SIAH3: variants seen among roughly 807,000 people sequenced by gnomAD.
The protein encoded by SIAH3 is seven in absentia homolog 3.
A neutral mutation model predicts 12.6 loss-of-function variants in SIAH3; 9 were observed. The observed-to-expected ratio is 0.72, with a 90% confidence interval of 0.43 to 1.25. SIAH3 has a LOEUF of 1.25. SIAH3 is among the 50% of genes most tolerant of loss of function. The probability of loss-of-function intolerance (pLI) is 0.00; values close to 1 mark genes in which losing one functional copy is unlikely to be tolerated. For synonymous variants in SIAH3, 154 were observed against 151.1 expected, an observed-to-expected ratio of 1.02 and a Z score of -0.14; for missense variants, 390 against 365.4, an observed-to-expected ratio of 1.07 and a Z score of -0.55.
intron 1 of SIAH3, among the ~76,000 whole-genome samples, chr13:45,792,232 G>A (rs1429793996): frequency 6.6e-6 from 1 of 152,170 alleles, no homozygotes; most frequent in Non-Finnish European, 1.5e-5. Context: ...GCTTGAATGT[G>A]TGGGCTCGGG....
chr13:45,822,719 A>T (rs1048407737), intron 1 of SIAH3, among the ~76,000 whole-genome samples: 1 of 151,830 alleles, frequency 6.6e-6, no homozygotes, highest in African/African-American at 2.4e-5. Flanking sequence ...TGAAATCCTC[A>T]GCCTGGATGA....
At chr13:45,823,067 C>T (rs1950662014) in intron 1 of SIAH3, among the ~76,000 whole-genome samples, 4 of 152,184 alleles carry the variant, frequency 2.6e-5, no homozygotes, top group Admixed American at 2.6e-4. Context: ...AAGCTGTTAG[C>T]TCTTATTTGA....
At position 45,783,997 on chromosome 13, in the gene SIAH3, G is replaced by A; in HGVS notation, c.196C>T (p.His66Tyr). The part of the protein sequence containing the change: ...SAPEQGSFHP[H>Y]HLSHHHCHHR... ...TGGCAGTGGTGGTGGGAGAGATGGT[G>A]AGGGTGGAAGCTGCCTTGCTCTGGA... The change falls in exon 2 of 2, where the codon CAC becomes TAC. Residue 66 changes from histidine to tyrosine, a missense_variant. His to Tyr is a moderately conservative substitution (Grantham distance 83). Coordinates refer to ENST00000400405, the MANE Select transcript of SIAH3 (RefSeq NM_198849.3). 2.5e-6 allele frequency: 4 copies of A among 1,606,454 alleles called. No homozygotes were observed. The highest frequency in any genetic ancestry group is 3.4e-6 in the Non-Finnish European group (4 of 1,176,388).
intron 1 of SIAH3, among the ~76,000 whole-genome samples, chr13:45,817,871 C>T (rs1327289215): frequency 6.6e-6 from 1 of 152,208 alleles, no homozygotes. Context: ...AGCCCTGAAT[C>T]TATCCTCTTA....
At chr13:45,786,684 G>A (rs1950529094) in intron 1 of SIAH3, among the ~76,000 whole-genome samples, 1 of 152,146 alleles carries the variant, frequency 6.6e-6, no homozygotes, top group East Asian at 1.9e-4. Context: ...ATGTGGTTTT[G>A]GGTGAAGACT....
chr13:45,812,861 A>T (rs1950620788), intron 1 of SIAH3, among the ~76,000 whole-genome samples: 1 of 152,222 alleles, frequency 6.6e-6, no homozygotes, highest in Non-Finnish European at 1.5e-5. Context: ...ACAATTGGAG[A>T]AAGTTTTGCA....
chr13:45,834,094 T>C (rs1374277270), intron 1 of SIAH3, among the ~76,000 whole-genome samples: 1 of 152,204 alleles, frequency 6.6e-6, no homozygotes, highest in Admixed American at 6.5e-5. Context: ...GGAATTCTAA[T>C]TGGAAACTGC....
chr13:45,792,001 C>T (rs960037350), intron 1 of SIAH3, among the ~76,000 whole-genome samples: 2 of 152,186 alleles, frequency 1.3e-5, no homozygotes, highest in African/African-American at 4.8e-5. Context: ...TGTCCCTACC[C>T]ATGAGATGAG....
intron 1 of SIAH3, among the ~76,000 whole-genome samples, chr13:45,849,626 G>C (rs945569526): frequency 6.6e-6 from 1 of 152,100 alleles, no homozygotes; most frequent in Admixed American, 6.5e-5. Context: ...ATGACTCAAG[G>C]CCTCCAACCC....
In SIAH3 at chr13:45,783,992, A is replaced by G. The variant is rs375270428; in HGVS notation, c.201T>C (p.His67=). ...GGTGGTGGCAGTGGTGGTGGGAGAGATGGTGAGGGTGGAAGCTGCCTTGCT... is the reference window on the plus strand; with the variant it reads ...GGTGGTGGCAGTGGTGGTGGGAGAGGTGGTGAGGGTGGAAGCTGCCTTGCT... ...APEQGSFHPH[H]LSHHHCHHRH... is the part of the protein sequence containing the mutation. Residue 67 remains histidine (H), a synonymous_variant, in exon 2 of 2, where the codon CAT becomes CAC. Coordinates refer to ENST00000400405, the MANE Select transcript of SIAH3 (RefSeq NM_198849.3). The G allele has an allele frequency of 1.2e-6, 2 of 1,606,180 alleles. No individual in the cohort carries two copies. The highest frequency in any genetic ancestry group is 1.7e-6 in the Non-Finnish European group (2 of 1,176,402).
chr13:45,792,917 C>G (rs765323850), intron 1 of SIAH3, among the ~76,000 whole-genome samples: 13 of 152,162 alleles, frequency 8.5e-5, no homozygotes, highest in Non-Finnish European at 1.3e-4. Context: ...AGATGAAAGA[C>G]TTTTTCTTCA....
chr13:45,811,517 C>A (rs1042180135), intron 1 of SIAH3, among the ~76,000 whole-genome samples: 3 of 152,002 alleles, frequency 2.0e-5, no homozygotes, highest in African/African-American at 7.3e-5. Flanking sequence ...GGCTGGAATG[C>A]CGTGGTATGA....
intron 1 of SIAH3, among the ~76,000 whole-genome samples, chr13:45,803,454 G>A (rs1216400237): frequency 6.6e-6 from 1 of 152,184 alleles, no homozygotes; most frequent in Non-Finnish European, 1.5e-5. Context: ...AGCCCAGGGA[G>A]CTGTGGGAAC....
intron 1 of SIAH3, among the ~76,000 whole-genome samples, chr13:45,810,320 T>C (rs939028469): frequency 6.6e-6 from 1 of 152,148 alleles, no homozygotes; most frequent in Non-Finnish European, 1.5e-5. Flanking sequence ...AGTGCCTGGG[T>C]GAGGAATAGT....
At chr13:45,799,392 G>A (rs1358787031) in intron 1 of SIAH3, among the ~76,000 whole-genome samples, 1 of 152,160 alleles carries the variant, frequency 6.6e-6, no homozygotes, top group Non-Finnish European at 1.5e-5. Flanking sequence ...TGTTTTAAAT[G>A]GTGCAATCCA....
chr13:45,814,002 G>A (rs1950625157), intron 1 of SIAH3, among the ~76,000 whole-genome samples: 1 of 152,080 alleles, frequency 6.6e-6, no homozygotes, highest in Non-Finnish European at 1.5e-5. Flanking sequence ...ACTTTGGGAG[G>A]CCGAGGCAGG....
At chr13:45,803,900 T>G (rs1950590538) in intron 1 of SIAH3, among the ~76,000 whole-genome samples, 1 of 152,070 alleles carries the variant, frequency 6.6e-6, no homozygotes, top group African/African-American at 2.4e-5. Context: ...AATAAAAAAT[T>G]CCAGGTAGGT....
intron 1 of SIAH3, among the ~76,000 whole-genome samples, chr13:45,839,999 T>C (rs1950734530): frequency 6.6e-6 from 1 of 152,276 alleles, no homozygotes; most frequent in South Asian, 2.1e-4. Context: ...GGCTGACGCC[T>C]GAAATCCCAG....
rs576480018 is a variant in SIAH3 at position 45,830,044 on chromosome 13, T to G, written c.135+21451A>C. Among the ~76,000 whole-genome samples the G allele has an allele frequency of 3.3e-5, 5 of 152,302 alleles. No homozygotes were observed. The East Asian group carries it at 7.7e-4, about 23-fold the overall frequency. On this transcript the variant is annotated intron_variant, in intron 1 of 1. Coordinates refer to ENST00000400405, the MANE Select transcript of SIAH3 (RefSeq NM_198849.3). Reference sequence around the variant, plus strand: ...CACACTAAGCCAATAGGCTGTTAAATGCAGTCCATTTTTCTTCCTATCTTG... The same window carrying G: ...CACACTAAGCCAATAGGCTGTTAAAGGCAGTCCATTTTTCTTCCTATCTTG...
Sources: gnomAD v4.1 joint callset for allele counts (sites outside exome capture counted in the v4.1 genomes callset) on GRCh38, gnomAD v4.1.1 for gene constraint, MANE v1.5 for transcripts, NCBI Gene and HGNC (gene_info 2026-07-23, HGNC 2026-07-21) for gene names.